Variants in PLPPR4 observed in about 807,000 individuals in gnomAD.
PLPPR4 encodes phospholipid phosphatase-related protein type 4.
PLPPR4 carries 24 observed loss-of-function variants against 56.6 expected under a neutral mutation model. That is an observed-to-expected ratio of 0.42 (90% CI 0.31 to 0.60). The LOEUF is 0.60. PLPPR4 is among the 20% of genes least tolerant of loss of function. The pLI is 0.13. For synonymous variants in PLPPR4, 326 were observed against 328.1 expected, an observed-to-expected ratio of 0.99 and a Z score of 0.07; for missense variants, 654 against 885.8, an observed-to-expected ratio of 0.74 and a Z score of 3.32.
intron 2 of PLPPR4, 118 bp downstream of exon 2, chr1:99,288,268 C>A (rs1418340626): frequency 7.1e-6 from 6 of 839,522 alleles, no homozygotes; most frequent in Middle Eastern, 2.3e-4. Context: ...AAATCAAAGT[C>A]ATGTCTTTGA....
At chr1:99,297,020 A>G (rs1659761173) in intron 3 of PLPPR4, among the ~76,000 whole-genome samples, 153 bp downstream of exon 3, 1 of 152,230 alleles carries the variant, frequency 6.6e-6, no homozygotes, top group Non-Finnish European at 1.5e-5. Context: ...CTGTTAAAAC[A>G]CCAAAATTTG....
At chr1:99,300,840 T>C in intron 4 of PLPPR4, 69 bp from the exon 5 acceptor site, 2 of 1,153,596 alleles carry the variant, frequency 1.7e-6, no homozygotes, top group Non-Finnish European at 1.3e-6. Context: ...AACCACTCAG[T>C]GTCTTTGAGA....
chr1:99,266,590 T>C (rs555608635), intron 1 of PLPPR4, among the ~76,000 whole-genome samples: 9 of 152,360 alleles, frequency 5.9e-5, no homozygotes, highest in African/African-American at 1.7e-4. Context: ...TCATTACTTT[T>C]ACTTTGGCCT....
At position 99,264,493 on chromosome 1, in the gene PLPPR4, T is replaced by C. The variant is rs568235598; in HGVS notation, c.-101T>C. On this transcript the variant is annotated 5_prime_UTR_variant, in exon 1 of 7. Coordinates refer to ENST00000370185, the MANE Select transcript of PLPPR4 (RefSeq NM_014839.5). Reference sequence around the variant, plus strand: ...AGCGGTGGCCGCGGGGAATGTGACATCAGCGGCGCCGGGCGCTTGGGGCTG... The same window carrying C: ...AGCGGTGGCCGCGGGGAATGTGACACCAGCGGCGCCGGGCGCTTGGGGCTG... The C allele has an allele frequency of 2.0e-6, 3 of 1,538,436 alleles. No homozygotes were observed. Among genetic ancestry groups the C allele is most frequent in the East Asian group, 4.8e-5 (2 of 41,282 alleles).
rs1189132679 is a variant in PLPPR4 at position 99,288,137 on chromosome 1, G to T, written c.251G>T (p.Gly84Val). 1.9e-6 allele frequency: 3 copies of T among 1,613,010 alleles called. No individual in the cohort carries two copies. In the African/African-American group the frequency reaches 4.0e-5, roughly 22 times the overall value. The change falls in exon 2 of 7, where the codon GGA (glycine) becomes GTA (valine). Residue 84 changes from glycine (G) to valine (V), a missense_variant. Gly to Val is a moderately radical substitution (Grantham distance 109). Transcript: ENST00000370185. The part of the protein sequence containing the change: ...FLMLLSLAFA[G>V]PAITIMVGEG... ...ATGTTGCTTAGCTTGGCTTTTGCTG[G>T]ACCTGCAATTACGGTAAGAATTACC...
chr1:99,271,943 T>TGTGTGTGTGTGTGTGA (rs140869914), intron 1 of PLPPR4, among the ~76,000 whole-genome samples: 298 of 127,024 alleles, frequency 2.3e-3, no homozygotes, highest in African/African-American at 7.7e-3. Context: ...TGTGTGTGTG[T>TGTGTGTGTGTGTGTGA]GATGGAGATC....
intron 1 of PLPPR4, among the ~76,000 whole-genome samples, chr1:99,265,457 T>C (rs1049337912): frequency 2.0e-5 from 3 of 152,192 alleles, no homozygotes; most frequent in Non-Finnish European, 2.9e-5. Flanking sequence ...AAACAATTCA[T>C]AGGAGTGTTA....
Position 99,306,399 on chromosome 1 carries a change from G to C in PLPPR4, c.1537G>C (p.Ala513Pro). The C allele has an allele frequency of 1.2e-6, 2 of 1,614,174 alleles. No individual in the cohort carries two copies. The highest frequency in any genetic ancestry group is 1.7e-6 in the Non-Finnish European group (2 of 1,180,028). Reference protein sequence around the residue: ...SSARAKWLKAAEKTVACNRSN... With the variant: ...SSARAKWLKAPEKTVACNRSN... ...TGCTCGGGCCAAGTGGTTAAAAGCT[G>C]CTGAAAAGACTGTGGCCTGTAACAG... The change falls in exon 7 of 7, where the codon GCT (alanine) becomes CCT (proline). Residue 513 changes from alanine (A) to proline (P), a missense_variant. Physicochemically the swap from Ala to Pro is conservative, Grantham distance 27. Coordinates refer to ENST00000370185, the MANE Select transcript of PLPPR4 (RefSeq NM_014839.5). The surrounding 1 kb of genome is among the most constrained non-coding windows in gnomAD (Gnocchi z 4.0).
At chr1:99,271,943 T>A (rs1672332) in intron 1 of PLPPR4, among the ~76,000 whole-genome samples, 34,753 of 126,798 alleles carry the variant, frequency 0.27, 6,534 homozygotes, top group African/African-American at 0.29. Context: ...TGTGTGTGTG[T>A]GATGGAGATC....
At chr1:99,291,266 A>C (rs1321139419) in intron 2 of PLPPR4, among the ~76,000 whole-genome samples, 1 of 152,180 alleles carries the variant, frequency 6.6e-6, no homozygotes, top group African/African-American at 2.4e-5. Context: ...CAAAATGGCT[A>C]TTATTAAAAA....
At chr1:99,296,081 C>T (rs913017900) in intron 2 of PLPPR4, among the ~76,000 whole-genome samples, 1 of 152,152 alleles carries the variant, frequency 6.6e-6, no homozygotes, top group African/African-American at 2.4e-5. Context: ...AGAGAGTCCT[C>T]TTGATACTAC....
Position 99,306,323 on chromosome 1 carries a change from C to T in PLPPR4, c.1461C>T (p.His487=). ...QSRPGSSQLV[H]IPEETQENIS... is the part of the protein sequence containing the mutation. The stretch of plus-strand genomic sequence containing the variant: ...GTCCTGGGTCCTCACAGTTGGTGCA[C>T]ATCCCTGAGGAGACTCAGGAAAACA... Residue 487 remains histidine, a synonymous_variant, in exon 7 of 7, where the codon CAC becomes CAT. Coordinates refer to ENST00000370185, the MANE Select transcript of PLPPR4 (RefSeq NM_014839.5). This position sits in a 1 kb window ranked among gnomAD's most constrained non-coding sequence, Gnocchi z 4.0. 6.2e-7 allele frequency: 1 copy of T among 1,614,190 alleles called. No homozygotes were observed. Among genetic ancestry groups the T allele is most frequent in the Non-Finnish European group, 8.5e-7 (1 of 1,180,016 alleles).
chr1:99,271,899 AGTGTGTGTGTGT>A (rs553822029), intron 1 of PLPPR4, among the ~76,000 whole-genome samples: 30 of 118,054 alleles, frequency 2.5e-4, no homozygotes, highest in South Asian at 9.6e-4. Context: ...GTAGGAGTGA[AGTGTGTGTGTGT>A]GTGTGTGTGT....
chr1:99,269,879 T>C (rs762249025), intron 1 of PLPPR4, among the ~76,000 whole-genome samples: 3 of 152,144 alleles, frequency 2.0e-5, no homozygotes, highest in Non-Finnish European at 4.4e-5. Context: ...CAAATACACA[T>C]GGAGTAAGAA....
At chr1:99,305,507 A>G (rs142461804) in intron 6 of PLPPR4, among the ~76,000 whole-genome samples, 178 bp from the exon 7 acceptor site, 20 of 152,356 alleles carry the variant, frequency 1.3e-4, no homozygotes, top group African/African-American at 4.3e-4. Context: ...GCAGCGATTT[A>G]TGATATAACT....
At chr1:99,274,249 C>T (rs1313563739) in intron 1 of PLPPR4, among the ~76,000 whole-genome samples, 1 of 151,926 alleles carries the variant, frequency 6.6e-6, no homozygotes, top group Non-Finnish European at 1.5e-5. Flanking sequence ...AACTTATTTT[C>T]TCTAAGCCTC....
intron 1 of PLPPR4, among the ~76,000 whole-genome samples, chr1:99,274,996 T>A (rs944045814): frequency 6.6e-6 from 1 of 152,180 alleles, no homozygotes; most frequent in Non-Finnish European, 1.5e-5. Context: ...TTTAGGCTAT[T>A]GTATGATTCA....
At chr1:99,268,625 T>C (rs148946078) in intron 1 of PLPPR4, among the ~76,000 whole-genome samples, 3 of 152,364 alleles carry the variant, frequency 2.0e-5, no homozygotes, top group Admixed American at 6.5e-5. Context: ...TAATATTAGA[T>C]GGTGACTTGA....
intron 1 of PLPPR4, among the ~76,000 whole-genome samples, chr1:99,276,222 T>C (rs1440651670): frequency 6.6e-6 from 1 of 152,108 alleles, no homozygotes; most frequent in Non-Finnish European, 1.5e-5. Flanking sequence ...AAGATGTGTA[T>C]GTAGGAGACA....
Sources: gnomAD v4.1 joint callset for allele counts (sites outside exome capture counted in the v4.1 genomes callset) on GRCh38, gnomAD v4.1.1 for gene constraint, Gnocchi (gnomAD v3.1) non-coding constraint, MANE v1.5 for transcripts, NCBI Gene and HGNC (gene_info 2026-07-23, HGNC 2026-07-21) for gene names.